EGFR: variants seen among roughly 807,000 people sequenced by gnomAD.
The protein encoded by EGFR is epidermal growth factor receptor, also known as avian erythroblastic leukemia viral (v-erb-b) oncogene homolog.
In EGFR, 58 loss-of-function variants were observed where a neutral mutation model predicts 143.0. The observed-to-expected ratio is 0.41, with a 90% confidence interval of 0.33 to 0.50. The LOEUF (loss-of-function observed/expected upper bound fraction) is 0.50, where lower values mean the gene tolerates loss of function less well. Ranked by LOEUF, EGFR falls within the 20% of genes least tolerant of loss-of-function variation. EGFR has a pLI of 0.39. For missense variants in EGFR, 1,307 were observed against 1,579.0 expected (o/e 0.83, Z 2.92); for synonymous variants, 613 against 594.4 (o/e 1.03, Z -0.45).
intron 1 of EGFR, among the ~76,000 whole-genome samples, chr7:55,090,741 C>T (rs904606940): frequency 5.9e-5 from 9 of 152,142 alleles, no homozygotes; most frequent in Admixed American, 2.6e-4. Flanking sequence ...TTTGGAAATT[C>T]AAAATATATC....
At chr7:55,066,182 A>C (rs1789489603) in intron 1 of EGFR, among the ~76,000 whole-genome samples, 1 of 152,148 alleles carries the variant, frequency 6.6e-6, no homozygotes, top group South Asian at 2.1e-4. Flanking sequence ...CCCTGTCAGC[A>C]GGGGGTGTTC....
intron 20 of EGFR, among the ~76,000 whole-genome samples, chr7:55,190,640 G>A (rs1277852985): frequency 6.6e-6 from 1 of 152,162 alleles, no homozygotes; most frequent in Admixed American, 6.5e-5. Flanking sequence ...AGAGATGCCT[G>A]TTTGTTTCTG....
Position 55,161,605 on chromosome 7 carries a change from C to T in EGFR, c.1605C>T (p.Cys535=), listed in dbSNP as rs763346690. ...GGAATGTCAGCCGAGGCAGGGAATGCGTGGACAAGTGCAACCTTCTGGAGG... is the reference window on the plus strand; with the variant it reads ...GGAATGTCAGCCGAGGCAGGGAATGTGTGGACAAGTGCAACCTTCTGGAGG... ...SCRNVSRGRE[C]VDKCNLLEGE... The change falls in exon 13 of 28, where the codon TGC becomes TGT. Residue 535 remains cysteine (C), a synonymous_variant. Coordinates refer to ENST00000275493, the MANE Select transcript of EGFR (RefSeq NM_005228.5). 9 of 1,614,154 alleles carry T rather than the reference C, an allele frequency of 5.6e-6. No individual in the cohort carries two copies. The South Asian group carries it at 6.6e-5, about 12-fold the overall frequency.
chr7:55,182,817 C>A (rs1786951558), intron 20 of EGFR, among the ~76,000 whole-genome samples: 1 of 152,212 alleles, frequency 6.6e-6, no homozygotes, highest in African/African-American at 2.4e-5. Flanking sequence ...ACCCGGGCCA[C>A]AGAGTAGAAC....
In EGFR at chr7:55,198,701, T is replaced by C. The variant is rs1201534892; in HGVS notation, c.2702-16T>C. On this transcript the variant is annotated splice_polypyrimidine_tract_variant and intron_variant, in intron 22 of 27. Coordinates refer to ENST00000275493, the MANE Select transcript of EGFR (RefSeq NM_005228.5). ...TCATGATCCCACTGCCTTCTTTTCTTGCTTCATCCTCTCAGGGGTGACTGT... is the reference window on the plus strand; with the variant it reads ...TCATGATCCCACTGCCTTCTTTTCTCGCTTCATCCTCTCAGGGGTGACTGT... 1 of 1,614,238 alleles carries C rather than the reference T, an allele frequency of 6.2e-7. No homozygotes were observed. The highest frequency in any genetic ancestry group is 1.7e-5 in the Admixed American group (1 of 60,024).
At chr7:55,116,978 A>C (rs1371474207) in intron 1 of EGFR, among the ~76,000 whole-genome samples, 1 of 152,152 alleles carries the variant, frequency 6.6e-6, no homozygotes, top group East Asian at 1.9e-4. Context: ...TCCCTGGTGA[A>C]CTTTTGTTTG....
chr7:55,034,296 C>T (rs1351980650), intron 1 of EGFR, among the ~76,000 whole-genome samples: 3 of 152,104 alleles, frequency 2.0e-5, no homozygotes, highest in Non-Finnish European at 2.9e-5. Flanking sequence ...TGCAGTGGCC[C>T]GACCTCGGCT....
At chr7:55,077,916 T>A (rs539124108) in intron 1 of EGFR, among the ~76,000 whole-genome samples, 2 of 152,318 alleles carry the variant, frequency 1.3e-5, no homozygotes, top group South Asian at 4.1e-4. Context: ...GCAGCTTTGT[T>A]TGGCGAGCGG....
At chr7:55,180,900 C>T in intron 19 of EGFR, 1 of 325,232 alleles carries the variant, frequency 3.1e-6, no homozygotes, top group Non-Finnish European at 5.9e-6. Context: ...CAGATTCCTA[C>T]AGGCCCTCAT....
At chr7:55,144,316 G>A (rs1243035922) in intron 3 of EGFR, among the ~76,000 whole-genome samples, 2 of 152,176 alleles carry the variant, frequency 1.3e-5, no homozygotes, top group Non-Finnish European at 2.9e-5. Flanking sequence ...TGCTAAGCCG[G>A]GGACTGGCTG....
intron 1 of EGFR, among the ~76,000 whole-genome samples, chr7:55,048,757 G>A (rs1430637184): frequency 6.6e-6 from 1 of 152,118 alleles, no homozygotes; most frequent in Non-Finnish European, 1.5e-5. Flanking sequence ...CTCTTGTATG[G>A]TACTGTCTGT....
chr7:55,191,506 GA>G (rs1332509424), intron 20 of EGFR, among the ~76,000 whole-genome samples: 2 of 152,158 alleles, frequency 1.3e-5, no homozygotes, highest in African/African-American at 2.4e-5. Context: ...AAAACTTGAG[GA>G]ACTGGATGGA....
At chr7:55,174,182 T>C (rs1204032500) in intron 18 of EGFR, 139 bp downstream of exon 18, 1 of 1,278,552 alleles carries the variant, frequency 7.8e-7, no homozygotes, top group East Asian at 2.5e-5. Flanking sequence ...GAAACTCCAG[T>C]GTTTTTCCCA....
intron 11 of EGFR, among the ~76,000 whole-genome samples, chr7:55,158,849 G>C (rs1469929389): frequency 1.3e-5 from 2 of 152,152 alleles, no homozygotes; most frequent in Non-Finnish European, 2.9e-5. Context: ...TAATGGTATT[G>C]GTTACAGGCT....
chr7:55,164,067 A>G (rs530437928), intron 14 of EGFR, among the ~76,000 whole-genome samples: 2 of 152,310 alleles, frequency 1.3e-5, no homozygotes, highest in Admixed American at 6.5e-5. Flanking sequence ...AAGCTTATCA[A>G]ATCCTCACAT....
At chr7:55,075,480 A>G (rs1264770307) in intron 1 of EGFR, among the ~76,000 whole-genome samples, 1 of 152,216 alleles carries the variant, frequency 6.6e-6, no homozygotes, top group African/African-American at 2.4e-5. Flanking sequence ...ACAATGCAAC[A>G]ATGTGTTTTG....
In EGFR at chr7:55,124,563, A is replaced by C. The variant is rs13244925; in HGVS notation, c.89-17723A>C. On this transcript the variant is annotated intron_variant, in intron 1 of 27. Transcript: ENST00000275493. The stretch of plus-strand genomic sequence containing the variant: ...TGAAATCTGCATTATCATCATCTGC[A>C]AGTTTAGATGGGGCATAACTGATCC... Among the ~76,000 whole-genome samples, 76,536 of 152,024 alleles carry C rather than the reference A, an allele frequency of 0.5. 20,112 individuals are homozygous for C. The highest frequency in any genetic ancestry group is 0.71 in the East Asian group (3,652 of 5,168).
intron 15 of EGFR, among the ~76,000 whole-genome samples, chr7:55,165,766 C>T (rs1186855671): frequency 6.6e-6 from 1 of 152,210 alleles, no homozygotes; most frequent in Non-Finnish European, 1.5e-5. Flanking sequence ...CTCCAGATTT[C>T]TAAGGTTAAC....
At chr7:55,161,361 C>T (rs1785690184) in intron 12 of EGFR, 138 bp from the exon 13 acceptor site, 2 of 1,238,130 alleles carry the variant, frequency 1.6e-6, no homozygotes, top group South Asian at 1.6e-5. Flanking sequence ...CTGTGTCCTC[C>T]TCCTTCAGGG....
Sources: allele counts gnomAD v4.1 joint callset (sites outside exome capture counted in the v4.1 genomes callset), GRCh38; gene constraint gnomAD v4.1.1; transcripts MANE v1.5; gene names NCBI Gene and HGNC (gene_info 2026-07-23, HGNC 2026-07-21).